Variants in SLC16A1 observed in about 807,000 individuals in gnomAD.
SLC16A1 encodes monocarboxylate transporter 1.
A neutral mutation model predicts 32.2 loss-of-function variants in SLC16A1; 11 were observed. That is an observed-to-expected ratio of 0.34 (90% CI 0.21 to 0.56). SLC16A1 has a LOEUF of 0.56. Ranked by LOEUF, SLC16A1 falls within the 20% of genes least tolerant of loss-of-function variation. The pLI is 0.87. For synonymous variants in SLC16A1, 231 were observed against 226.8 expected, an observed-to-expected ratio of 1.02 and a Z score of -0.17; for missense variants, 435 against 615.0, an observed-to-expected ratio of 0.71 and a Z score of 3.10.
At chr1:112,935,338 C>T (rs528239696) in intron 1 of SLC16A1, among the ~76,000 whole-genome samples, 4 of 152,208 alleles carry the variant, frequency 2.6e-5, no homozygotes, top group African/African-American at 7.2e-5. Flanking sequence ...TCGCTTGAAC[C>T]TGGGAGGTTG....
At chr1:112,950,325 C>T (rs1311464369) in intron 1 of SLC16A1, among the ~76,000 whole-genome samples, 1 of 152,170 alleles carries the variant, frequency 6.6e-6, no homozygotes, top group Admixed American at 6.5e-5. Flanking sequence ...GGCCCTGTTA[C>T]CTCCAAAATA....
chr1:112,934,674 A>C (rs1015963808), intron 1 of SLC16A1, among the ~76,000 whole-genome samples: 4 of 151,052 alleles, frequency 2.6e-5, no homozygotes, highest in Admixed American at 6.6e-5. Context: ...TAGACGGTTA[A>C]AAGAAAGAGG....
chr1:112,914,282 A>G, intron 4 of SLC16A1, 117 bp from the exon 5 acceptor site: 4 of 1,074,112 alleles, frequency 3.7e-6, no homozygotes, highest in Non-Finnish European at 5.5e-6. Context: ...AAAGAGTCCC[A>G]AAATGATGAA....
intron 4 of SLC16A1, 196 bp downstream of exon 4, chr1:112,916,982 C>G: frequency 1.4e-6 from 1 of 731,790 alleles, no homozygotes; most frequent in South Asian, 1.6e-5. Context: ...CCCCTTTTGC[C>G]TTGATGGTTC....
intron 3 of SLC16A1, among the ~76,000 whole-genome samples, chr1:112,920,290 T>C (rs915023695): frequency 2.6e-5 from 4 of 152,038 alleles, no homozygotes; most frequent in African/African-American, 9.7e-5. Context: ...CTGGCCAACA[T>C]GGTGAAACCC....
At position 112,927,351 on chromosome 1, in the gene SLC16A1, G is replaced by A. The variant is rs192265849; in HGVS notation, c.217+1741C>T. Among the ~76,000 whole-genome samples, 292 of 151,208 alleles carry A rather than the reference G, an allele frequency of 1.9e-3. 1 individual carries two copies. Among genetic ancestry groups the A allele is most frequent in the East Asian group, 7.7e-4 (4 of 5,168 alleles). ...AGTAGGCAGGTAAGATCTCTTCCCC[G>A]CAAAATATACTTTAACAACCATCAC... is the stretch of plus-strand genomic sequence containing the variant. On this transcript the variant is annotated intron_variant, in intron 2 of 4. Coordinates refer to ENST00000369626, the MANE Select transcript of SLC16A1 (RefSeq NM_003051.4).
chr1:112,932,606 A>G (rs1649174058), intron 1 of SLC16A1, among the ~76,000 whole-genome samples: 1 of 152,046 alleles, frequency 6.6e-6, no homozygotes, highest in Admixed American at 6.6e-5. Flanking sequence ...ATCCAAAACC[A>G]GCCTGGCCAA....
chr1:112,914,256 T>C (rs1648426870), intron 4 of SLC16A1, 91 bp from the exon 5 acceptor site: 2 of 1,391,230 alleles, frequency 1.4e-6, no homozygotes, highest in South Asian at 2.4e-5. Context: ...TTCAGAAAGA[T>C]GTCAATCCAA....
intron 1 of SLC16A1, among the ~76,000 whole-genome samples, chr1:112,952,827 C>T (rs1056113163): frequency 9.9e-5 from 15 of 152,204 alleles, no homozygotes; most frequent in Non-Finnish European, 1.6e-4. Context: ...ACAAGCTGAG[C>T]AGCCCTGGTC....
chr1:112,924,012 C>G, intron 2 of SLC16A1: 1 of 1,373,998 alleles, frequency 7.3e-7, no homozygotes, highest in Non-Finnish European at 1.0e-6. Flanking sequence ...GCCCATGGGC[C>G]GCTTCTTTGG....
chr1:112,924,364 G>A, intron 2 of SLC16A1: 2 of 1,252,176 alleles, frequency 1.6e-6, no homozygotes, highest in Non-Finnish European at 2.4e-6. Flanking sequence ...TTCTCAGGTT[G>A]CCCAAGGCTC....
At chr1:112,916,747 T>C (rs1468285910) in intron 4 of SLC16A1, among the ~76,000 whole-genome samples, 2 of 151,884 alleles carry the variant, frequency 1.3e-5, no homozygotes, top group East Asian at 1.9e-4. Flanking sequence ...CTGGCCAACA[T>C]GGCGAAACCC....
At chr1:112,918,350 T>G (rs1432846614) in intron 3 of SLC16A1, among the ~76,000 whole-genome samples, 1 of 152,224 alleles carries the variant, frequency 6.6e-6, no homozygotes, top group Non-Finnish European at 1.5e-5. Context: ...GTGCCCAGTA[T>G]GTAGTAAGCA....
At chr1:112,935,133 A>G (rs7536532) in intron 1 of SLC16A1, among the ~76,000 whole-genome samples, 45,746 of 152,142 alleles carry the variant, frequency 0.3, 8,797 homozygotes, top group African/African-American at 0.54. Flanking sequence ...AAGTAAAGTT[A>G]GCCAGGCATG....
intron 3 of SLC16A1, among the ~76,000 whole-genome samples, chr1:112,918,530 G>A (rs1648600548): frequency 1.3e-5 from 2 of 152,182 alleles, no homozygotes; most frequent in Admixed American, 1.3e-4. Flanking sequence ...GCCAGCTGCA[G>A]TGGCTCATGT....
At chr1:112,914,480 T>G (rs1648433676) in intron 4 of SLC16A1, among the ~76,000 whole-genome samples, 1 of 152,222 alleles carries the variant, frequency 6.6e-6, no homozygotes, top group South Asian at 2.1e-4. Flanking sequence ...AAATAAGTGT[T>G]GCTAAAAGAG....
At chr1:112,916,004 A>ATT (rs1648490158) in intron 4 of SLC16A1, among the ~76,000 whole-genome samples, 2 of 152,134 alleles carry the variant, frequency 1.3e-5, no homozygotes, top group African/African-American at 4.8e-5. Context: ...TAGCCAAGTT[A>ATT]TTTCACCTTT....
Position 112,956,042 on chromosome 1 carries a change from T to A in SLC16A1, c.-52A>T, listed in dbSNP as rs1325013547. Reference sequence around the variant, plus strand: ...GGCTGTTACCCAACTAACCGTTATATGCGCGGATCGCAGCGCCGAGCGTGT... The same window carrying A: ...GGCTGTTACCCAACTAACCGTTATAAGCGCGGATCGCAGCGCCGAGCGTGT... On this transcript the variant is annotated 5_prime_UTR_variant, in exon 1 of 5. Coordinates refer to ENST00000369626, the MANE Select transcript of SLC16A1 (RefSeq NM_003051.4). 1 of 152,178 alleles carries A rather than the reference T, an allele frequency of 6.6e-6. No individual in the cohort carries two copies. Among genetic ancestry groups the A allele is most frequent in the Non-Finnish European group, 1.5e-5 (1 of 68,050 alleles). The allele number at this position is 152,178 out of a possible 1,614,324, so 9.4% of individuals were successfully genotyped here.
chr1:112,930,466 G>T (rs1482512363), intron 1 of SLC16A1, among the ~76,000 whole-genome samples: 1 of 151,874 alleles, frequency 6.6e-6, no homozygotes, highest in Admixed American at 6.6e-5. Flanking sequence ...TTTTTTTAAT[G>T]TTACTTATCC....
Sources: allele counts gnomAD v4.1 joint callset (sites outside exome capture counted in the v4.1 genomes callset), GRCh38; gene constraint gnomAD v4.1.1; transcripts MANE v1.5; gene names NCBI Gene and HGNC (gene_info 2026-07-23, HGNC 2026-07-21).